Variants in GGPS1 observed in about 807,000 individuals in gnomAD.
The protein encoded by GGPS1 is geranylgeranyl pyrophosphate synthase.
A neutral mutation model predicts 28.1 loss-of-function variants in GGPS1; 15 were observed. The ratio of observed to expected loss-of-function variants is 0.53; its 90% CI spans 0.36 to 0.82. GGPS1 has a LOEUF of 0.82. Ranked by LOEUF, GGPS1 falls within the 40% of genes least tolerant of loss-of-function variation. GGPS1 has a pLI of 0.01. For synonymous variants in GGPS1, 138 were observed against 122.4 expected, an observed-to-expected ratio of 1.13 and a Z score of -0.84; for missense variants, 284 against 348.3, an observed-to-expected ratio of 0.82 and a Z score of 1.47.
chr1:235,342,436 T>C lies in GGPS1; in HGVS notation c.567T>C (p.Asp189=). 1 of 1,612,688 alleles carries C rather than the reference T, an allele frequency of 6.2e-7. No individual in the cohort carries two copies. The change falls in exon 4 of 4, where the codon GAT becomes GAC. Residue 189 remains aspartate, a synonymous_variant. Coordinates refer to ENST00000282841, the MANE Select transcript of GGPS1 (RefSeq NM_004837.4). ...TLGLFFQIRD[D]YANLHSKEYS... ...GGCTCTTTTTCCAAATTAGGGATGA[T>C]TATGCTAATCTACACTCCAAAGAAT...
At chr1:235,340,390 G>T (rs1675998837) in intron 2 of GGPS1, among the ~76,000 whole-genome samples, 1 of 151,360 alleles carries the variant, frequency 6.6e-6, no homozygotes, top group South Asian at 2.1e-4. Flanking sequence ...GCTGCAGTGA[G>T]CTGTGAACAC....
intron 2 of GGPS1, among the ~76,000 whole-genome samples, chr1:235,340,064 G>A (rs115804490): frequency 0.015 from 2,353 of 152,114 alleles, 22 homozygotes; most frequent in Non-Finnish European, 0.024. Context: ...CTTGGGAGGC[G>A]GAGGTTGCAA....
At chr1:235,339,592 T>G (rs1244523656) in intron 2 of GGPS1, among the ~76,000 whole-genome samples, 4 of 151,090 alleles carry the variant, frequency 2.6e-5, no homozygotes. Context: ...AAACCCTGTC[T>G]CTACTAAAAT....
At chr1:235,335,774 G>C (rs1375272027) in intron 2 of GGPS1, among the ~76,000 whole-genome samples, 2 of 152,192 alleles carry the variant, frequency 1.3e-5, no homozygotes, top group Admixed American at 6.5e-5. Context: ...TCTCATTGGA[G>C]GTTGTACTCT....
chr1:235,343,224 T>G lies in GGPS1; in HGVS notation c.*452T>G, dbSNP rs554876848. 6.0e-6 allele frequency: 1 copy of G among 167,570 alleles called. No homozygotes were observed. Among genetic ancestry groups the G allele is most frequent in the African/African-American group, 2.4e-5 (1 of 41,434 alleles). 10.4% of individuals were successfully genotyped at this position (167,570 alleles called of 1,614,324 possible). ...GCTGCTGTAAGGAATATCTCACTTT[T>G]CCCCCCGGAAACACCCTCACTGAAG... On this transcript the variant is annotated 3_prime_UTR_variant, in exon 4 of 4. Transcript: ENST00000282841.
intron 1 of GGPS1, among the ~76,000 whole-genome samples, chr1:235,334,534 A>G (rs1303127074): frequency 6.6e-6 from 1 of 152,218 alleles, no homozygotes; most frequent in Non-Finnish European, 1.5e-5. Context: ...AACCATCACA[A>G]TTTAATTTTA....
rs181322319 is a variant in GGPS1, at chr1:235,330,809, G to T, written c.-24+2031G>T. Among the ~76,000 whole-genome samples the T allele has an allele frequency of 7.9e-5, 12 of 152,258 alleles. No homozygotes were observed. The East Asian group carries it at 1.7e-3, about 22-fold the overall frequency. On this transcript the variant is annotated intron_variant, in intron 1 of 3. Transcript: ENST00000282841. ...GTGCATCTCATTGATTTTTAAGTTC[G>T]GTCAAATGTGTTTTGGAGGCTGTGA... is the stretch of plus-strand genomic sequence containing the variant.
intron 2 of GGPS1, among the ~76,000 whole-genome samples, chr1:235,341,100 C>T (rs928546537): frequency 6.6e-6 from 1 of 152,104 alleles, no homozygotes; most frequent in African/African-American, 2.4e-5. Context: ...GAGGCCGATG[C>T]GGGTGTATCG....
intron 1 of GGPS1, 124 bp downstream of exon 1, chr1:235,328,902 ATG>A (rs1675570853): frequency 6.6e-6 from 1 of 152,348 alleles, no homozygotes; most frequent in South Asian, 2.0e-4. Flanking sequence ...CGGATTGTGT[ATG>A]AATTTTCCAT....
At position 235,341,625 on chromosome 1, in the gene GGPS1, A is replaced by T. The variant is rs1210580343; in HGVS notation, c.71-83A>T. 4.9e-6 allele frequency: 4 copies of T among 820,954 alleles called. No homozygotes were observed. In the East Asian group the frequency reaches 9.8e-5, roughly 20 times the overall value. The allele number at this position is 820,954 out of a possible 1,614,324, so 50.9% of individuals were successfully genotyped here. A position where few individuals can be genotyped will look rare whatever the true frequency, so the allele number is the denominator to read the frequency against. ...TAGCAAGTCTGATCAATCTAAAGGA[A>T]GTTTCTGAATGTGTTTTTTGTAGTT... On this transcript the variant is annotated intron_variant, in intron 2 of 3. Transcript: ENST00000282841.
At chr1:235,336,517 G>A (rs185961345) in intron 2 of GGPS1, among the ~76,000 whole-genome samples, 110 of 152,252 alleles carry the variant, frequency 7.2e-4, no homozygotes, top group African/African-American at 2.4e-3. Context: ...ATATAGGCCA[G>A]GTGTGGTGGC....
chr1:235,330,668 A>G (rs1430244204), intron 1 of GGPS1: 1 of 152,234 alleles, frequency 6.6e-6, no homozygotes, highest in Non-Finnish European at 1.5e-5. Context: ...TTAGTGTTTT[A>G]AGTTGAAAAA....
chr1:235,328,205 G>GT (rs1386268478), upstream of GGPS1: 76 of 135,974 alleles, frequency 5.6e-4, no homozygotes, highest in Admixed American at 5.0e-3. Flanking sequence ...CCGACTCTAG[G>GT]TTCCCCCCCT....
At chr1:235,329,274 C>G (rs146952998) in intron 1 of GGPS1, 1 of 152,240 alleles carries the variant, frequency 6.6e-6, no homozygotes, top group Non-Finnish European at 1.5e-5. Context: ...GTTGTGTGCC[C>G]TGGTTTCATC....
rs1558328014 is a variant in GGPS1 at position 235,342,557 on chromosome 1, G to A, written c.688G>A (p.Val230Met). The A allele has an allele frequency of 1.9e-6, 3 of 1,611,828 alleles. No individual in the cohort carries two copies. In the South Asian group the frequency reaches 3.3e-5, roughly 18 times the overall value. ...TTGGTCAAGGCCTGAAAGCACCCAG[G>A]TGCAGAATATCTTGCGCCAGAGAAC... ...AIWSRPESTQ[V>M]QNILRQRTEN... Residue 230 changes from valine to methionine, a missense_variant, in exon 4 of 4, where the codon GTG becomes ATG. Physicochemically the swap from Val to Met is conservative, Grantham distance 21. Transcript: ENST00000282841.
intron 3 of GGPS1, 32 bp downstream of exon 3, chr1:235,341,810 A>G (rs1466441394): frequency 1.6e-6 from 2 of 1,236,164 alleles, no homozygotes; most frequent in African/African-American, 1.5e-5. Context: ...ATTAATCCCC[A>G]AGAAATTAAT....
chr1:235,335,191 A>C (rs776940011), intron 1 of GGPS1, 51 bp from the exon 2 acceptor site: 30 of 776,876 alleles, frequency 3.9e-5, no homozygotes, highest in Non-Finnish European at 6.2e-5. Context: ...GCAGTTTGAC[A>C]CTGAAAGATG....
In GGPS1 at chr1:235,328,760, G is replaced by A. The variant is rs1398874816; in HGVS notation, c.-42G>A. The A allele has an allele frequency of 6.6e-6, 1 of 152,398 alleles. No individual in the cohort carries two copies. Among genetic ancestry groups the A allele is most frequent in the African/African-American group, 2.4e-5 (1 of 41,316 alleles). The allele number at this position is 152,398 out of a possible 1,614,324, so 9.4% of individuals were successfully genotyped here. On this transcript the variant is annotated 5_prime_UTR_variant, in exon 1 of 4. The change creates a new upstream start codon in the 5' untranslated region. Coordinates refer to ENST00000282841, the MANE Select transcript of GGPS1 (RefSeq NM_004837.4). ...CTCCCGGACCGGCGGCGTGAAAGTC[G>A]TGATATCATCGTTGAACTGTGAGCG... is the stretch of plus-strand genomic sequence containing the variant.
chr1:235,341,301 T>C (rs978442399), intron 2 of GGPS1, among the ~76,000 whole-genome samples: 9 of 152,202 alleles, frequency 5.9e-5, no homozygotes, highest in Admixed American at 5.9e-4. Context: ...CACTCCAGCC[T>C]GGGCAACAGA....
Sources: gnomAD v4.1 joint callset for allele counts (sites outside exome capture counted in the v4.1 genomes callset) on GRCh38, gnomAD v4.1.1 for gene constraint, MANE v1.5 for transcripts, NCBI Gene and HGNC (gene_info 2026-07-23, HGNC 2026-07-21) for gene names.